GSE1: variants seen among roughly 807,000 people sequenced by gnomAD.
GSE1 encodes genetic suppressor element 1.
In GSE1, 32 loss-of-function variants were observed where a neutral mutation model predicts 112.6. The ratio of observed to expected loss-of-function variants is 0.28; its 90% CI spans 0.21 to 0.38. The LOEUF (loss-of-function observed/expected upper bound fraction) is 0.38, where lower values mean the gene tolerates loss of function less well. GSE1 is among the 10% of genes least tolerant of loss of function. GSE1 has a pLI of 1.00. For missense variants in GSE1, 2,348 were observed against 1,699.2 expected (o/e 1.38, Z -6.71); for synonymous variants, 1,115 against 735.6 (o/e 1.52, Z -8.35).
At chr16:85,381,271 G>A (rs913184182) in intron 2 of GSE1, among the ~76,000 whole-genome samples, 8 of 152,160 alleles carry the variant, frequency 5.3e-5, no homozygotes, top group Non-Finnish European at 1.0e-4. Context: ...TCCACGTTGC[G>A]GCCCGAATCC....
intron 2 of GSE1, among the ~76,000 whole-genome samples, chr16:85,643,338 G>A (rs910315904): frequency 2.0e-5 from 3 of 152,140 alleles, no homozygotes; most frequent in Non-Finnish European, 2.9e-5. Flanking sequence ...TGCCAGCCTC[G>A]CTAATGGGCC....
intron 1 of GSE1, among the ~76,000 whole-genome samples, chr16:85,296,632 C>G (rs994107552): frequency 3.3e-5 from 5 of 152,132 alleles, no homozygotes; most frequent in African/African-American, 1.2e-4. Context: ...CAAAAACAAA[C>G]AAACAAAAAG....
At chr16:85,585,251 G>A (rs1486775446) in intron 1 of GSE1, among the ~76,000 whole-genome samples, 1 of 152,170 alleles carries the variant, frequency 6.6e-6, no homozygotes, top group Non-Finnish European at 1.5e-5. Flanking sequence ...CGGCGTCCTG[G>A]GGTCCAGAGG....
intron 1 of GSE1, among the ~76,000 whole-genome samples, chr16:85,210,180 A>G (rs1391436134): frequency 6.6e-6 from 1 of 152,218 alleles, no homozygotes; most frequent in Non-Finnish European, 1.5e-5. Flanking sequence ...GGTTTGAGAA[A>G]CACTGGCTAC....
chr16:85,342,217 C>T (rs1025140886), intron 1 of GSE1, among the ~76,000 whole-genome samples: 3 of 152,188 alleles, frequency 2.0e-5, no homozygotes, highest in African/African-American at 7.2e-5. Context: ...CGTTAACTCA[C>T]ACTGTAGCCA....
At chr16:85,390,214 A>T (rs1034525813) in intron 2 of GSE1, among the ~76,000 whole-genome samples, 1 of 152,204 alleles carries the variant, frequency 6.6e-6, no homozygotes, top group Non-Finnish European at 1.5e-5. Context: ...GGCACACAGT[A>T]GGTGCTCCAA....
intron 1 of GSE1, among the ~76,000 whole-genome samples, chr16:85,187,997 A>G (rs4783142): frequency 0.59 from 89,328 of 152,040 alleles, 26,939 homozygotes; most frequent in African/African-American, 0.73. Flanking sequence ...CTGCTCCCAG[A>G]CTCCTGGCAC....
intron 2 of GSE1, among the ~76,000 whole-genome samples, chr16:85,442,320 G>A (rs898833493): frequency 1.5e-4 from 23 of 152,250 alleles, no homozygotes; most frequent in Non-Finnish European, 2.1e-4. Context: ...CTTGTTTACC[G>A]TCCTGGCCCC....
At chr16:85,234,686 TCACA>T (rs1259825668) in intron 1 of GSE1, among the ~76,000 whole-genome samples, 1 of 152,136 alleles carries the variant, frequency 6.6e-6, no homozygotes, top group Non-Finnish European at 1.5e-5. Context: ...GCCGCTGGCC[TCACA>T]CTGCCCTTGA....
chr16:85,305,758 G>T (rs1194232237), intron 1 of GSE1, among the ~76,000 whole-genome samples: 1 of 152,166 alleles, frequency 6.6e-6, no homozygotes, highest in Non-Finnish European at 1.5e-5. Context: ...TTACAGGCGT[G>T]AGTCACTGCA....
chr16:85,261,587 G>GCC (rs1168715546), intron 1 of GSE1, among the ~76,000 whole-genome samples: 1 of 152,224 alleles, frequency 6.6e-6, no homozygotes, highest in Non-Finnish European at 1.5e-5. Context: ...GTGGAGGGCT[G>GCC]CCCCGTGTGG....
intron 1 of GSE1, among the ~76,000 whole-genome samples, chr16:85,191,680 G>A (rs1309266550): frequency 6.6e-6 from 1 of 152,198 alleles, no homozygotes; most frequent in East Asian, 1.9e-4. Flanking sequence ...CCCCGGTGTT[G>A]CTACAAACAT....
intron 2 of GSE1, among the ~76,000 whole-genome samples, chr16:85,638,305 G>A (rs917486802): frequency 6.6e-6 from 1 of 152,174 alleles, no homozygotes; most frequent in South Asian, 2.1e-4. Flanking sequence ...TTCTGGAGGC[G>A]CTGAGACGTC....
At chr16:85,319,068 A>G (rs1022112142) in intron 1 of GSE1, among the ~76,000 whole-genome samples, 7 of 152,106 alleles carry the variant, frequency 4.6e-5, no homozygotes, top group African/African-American at 7.2e-5. Context: ...CGGTGACATT[A>G]GATGTGAACT....
At chr16:85,269,045 A>G (rs1242316416) in intron 1 of GSE1, among the ~76,000 whole-genome samples, 1 of 149,378 alleles carries the variant, frequency 6.7e-6, no homozygotes, top group African/African-American at 2.4e-5. Flanking sequence ...CTTCCTGGAC[A>G]GTGACCCTGG....
chr16:85,579,833 A>G (rs1002604390), intron 1 of GSE1, among the ~76,000 whole-genome samples: 3 of 152,134 alleles, frequency 2.0e-5, no homozygotes, highest in South Asian at 2.1e-4. Flanking sequence ...AGCTCCATGG[A>G]TGGGGAGCTC....
chr16:85,207,014 A>G (rs2075130255), intron 1 of GSE1, among the ~76,000 whole-genome samples: 1 of 152,238 alleles, frequency 6.6e-6, no homozygotes, highest in African/African-American at 2.4e-5. Flanking sequence ...TCGCAGTGAC[A>G]TGTTTATTCT....
intron 11 of GSE1, 144 bp from the exon 12 acceptor site, chr16:85,664,871 C>G (rs767002151): frequency 1.6e-5 from 10 of 617,890 alleles, no homozygotes; most frequent in Non-Finnish European, 2.9e-5. Context: ...TTCCTTTCAA[C>G]TGGGCCTGCC....
intron 1 of GSE1, among the ~76,000 whole-genome samples, chr16:85,227,960 T>G: frequency 1.4e-5 from 2 of 147,430 alleles, no homozygotes; most frequent in East Asian, 2.0e-4. Flanking sequence ...TGCAGGGGAG[T>G]GAAACAGGGA....
Sources: allele counts gnomAD v4.1 joint callset (sites outside exome capture counted in the v4.1 genomes callset), GRCh38; gene constraint gnomAD v4.1.1; transcripts MANE v1.5; gene names NCBI Gene and HGNC (gene_info 2026-07-23, HGNC 2026-07-21).